ERAL1: variants seen among roughly 807,000 people sequenced by gnomAD.
ERAL1 encodes Era like 12S mitochondrial rRNA chaperone 1.
ERAL1 carries 36 observed loss-of-function variants against 53.6 expected under a neutral mutation model. The ratio of observed to expected loss-of-function variants is 0.67; its 90% CI spans 0.51 to 0.89. The LOEUF (loss-of-function observed/expected upper bound fraction) is 0.89. Among genes scored for constraint, ERAL1 ranks in the 40% least tolerant of loss-of-function variants. The pLI, the probability that ERAL1 is intolerant of heterozygous loss-of-function variation, is 0.00. For synonymous variants in ERAL1, 215 were observed against 211.8 expected (o/e 1.02, Z -0.13); for missense variants, 512 against 537.5 (o/e 0.95, Z 0.47).
At chr17:28,860,316 A>G in intron 9 of ERAL1, 115 bp from the exon 10 acceptor site, 1 of 1,261,612 alleles carries the variant, frequency 7.9e-7, no homozygotes, top group Non-Finnish European at 1.1e-6. Context: ...ACTGTTACCC[A>G]GGCTGGACTC....
intron 9 of ERAL1, among the ~76,000 whole-genome samples, chr17:28,860,002 T>G (rs2320587): frequency 0.73 from 110,253 of 151,074 alleles, 40,701 homozygotes; most frequent in Non-Finnish European, 0.8. Flanking sequence ...TTGAGCCAGG[T>G]TCTTGCTCTG....
rs1279070806 is a variant in ERAL1 at position 28,855,058 on chromosome 17, G to T, written c.24G>T (p.Gly8=). The T allele has an allele frequency of 6.2e-7, 1 of 1,608,204 alleles. No homozygotes were observed. The highest frequency in any genetic ancestry group is 1.3e-5 in the African/African-American group (1 of 74,782). MAAPSWR[G]ARLVQSVLRV... is the part of the protein sequence containing the mutation. ...TAATGGCTGCCCCCAGCTGGCGCGG[G>T]GCTAGGCTTGTTCAATCGGTGTTAA... The change falls in exon 1 of 10, where the codon GGG becomes GGT. Residue 8 remains glycine, a synonymous_variant. Transcript: ENST00000254928.
chr17:28,855,052 G>T lies in ERAL1; in HGVS notation c.18G>T (p.Trp6Cys). The change falls in exon 1 of 10, where the codon TGG becomes TGT. Residue 6 changes from tryptophan to cysteine, a missense_variant. Trp to Cys is a radical substitution (Grantham distance 215, BLOSUM62 -2). Coordinates refer to ENST00000254928, the MANE Select transcript of ERAL1 (RefSeq NM_005702.4). ...CGGCTGTAATGGCTGCCCCCAGCTG[G>T]CGCGGGGCTAGGCTTGTTCAATCGG... is the stretch of plus-strand genomic sequence containing the variant. MAAPS[W>C]RGARLVQSVL... The T allele has an allele frequency of 6.3e-7, 1 of 1,596,098 alleles. No individual in the cohort carries two copies. Among genetic ancestry groups the T allele is most frequent in the Non-Finnish European group, 8.6e-7 (1 of 1,168,458 alleles).
chr17:28,855,176 G>T lies in ERAL1; in HGVS notation c.142G>T (p.Ala48Ser), dbSNP rs2039223463. ...GFQRRCVSCV[A>S]GSAFSGPRLA... ...CCAACGGAGGTGCGTGTCCTGCGTC[G>T]CGGGGTCCGCTTTCTCTGGTCCCCG... The change falls in exon 1 of 10, where the codon GCG (alanine) becomes TCG (serine). Residue 48 changes from alanine to serine, a missense_variant. Physicochemically the swap from Ala to Ser is moderately conservative, Grantham distance 99 (BLOSUM62 1). Coordinates refer to ENST00000254928, the MANE Select transcript of ERAL1 (RefSeq NM_005702.4). 4 of 1,614,096 alleles carry T rather than the reference G, an allele frequency of 2.5e-6. No individual in the cohort carries two copies. The South Asian group carries it at 4.4e-5, about 18-fold the overall frequency.
chr17:28,855,955 T>C (rs1023991880), intron 1 of ERAL1, among the ~76,000 whole-genome samples: 1 of 152,216 alleles, frequency 6.6e-6, no homozygotes, highest in African/African-American at 2.4e-5. Flanking sequence ...TTACATGCAG[T>C]AATTATTAAG....
rs540949990 is a variant in ERAL1, at chr17:28,858,834, T to A, written c.960+10T>A. On this transcript the variant is annotated intron_variant, in intron 7 of 9. Transcript: ENST00000254928. ...CGTGAAAACACTAAAGGTCAGTTAGTCTTGGCCATAGCCTGGCCCTTGGTT... is the reference window on the plus strand; with the variant it reads ...CGTGAAAACACTAAAGGTCAGTTAGACTTGGCCATAGCCTGGCCCTTGGTT... The A allele has an allele frequency of 1.9e-6, 3 of 1,614,116 alleles. No individual in the cohort carries two copies. Among genetic ancestry groups the A allele is most frequent in the African/African-American group, 2.7e-5 (2 of 75,060 alleles).
intron 9 of ERAL1, 53 bp from the exon 10 acceptor site, chr17:28,860,378 A>C: frequency 6.2e-7 from 1 of 1,602,250 alleles, no homozygotes; most frequent in Non-Finnish European, 8.5e-7. Flanking sequence ...AGTAGCTGGG[A>C]CTACAGGCAT....
intron 3 of ERAL1, 133 bp downstream of exon 3, chr17:28,856,715 T>C: frequency 2.1e-5 from 4 of 194,540 alleles, no homozygotes; most frequent in Non-Finnish European, 4.0e-5. Context: ...TTTCTTTTTC[T>C]TTTTTTTTTT....
Position 28,858,193 on chromosome 17 carries a change from A to C in ERAL1, c.584A>C (p.Glu195Ala). Residue 195 changes from glutamate (E) to alanine (A), a missense_variant, in exon 5 of 10, where the codon GAA becomes GCA. Transcript: ENST00000254928. The part of the protein sequence containing the change: ...SLLEDPWKSM[E>A]SADLVVVLVD... ...TTGGAAGATCCATGGAAGAGCATGGAATCTGCTGATCTTGGTTAGGTTCAG... is the reference window on the plus strand; with the variant it reads ...TTGGAAGATCCATGGAAGAGCATGGCATCTGCTGATCTTGGTTAGGTTCAG... 1 of 1,614,024 alleles carries C rather than the reference A, an allele frequency of 6.2e-7. No individual in the cohort carries two copies. The highest frequency in any genetic ancestry group is 8.5e-7 in the Non-Finnish European group (1 of 1,180,038).
Position 28,857,970 on chromosome 17 carries a change from C to A in ERAL1, c.521C>A (p.Pro174His). ...ILLDTPGIIS[P>H]GKQKRHHLEL... ...CTTGACACACCTGGCATTATCAGTC[C>A]TGGTAAACAGAAGAGGTAATGGTGG... The change falls in exon 4 of 10, where the codon CCT becomes CAT. Residue 174 changes from proline to histidine, a missense_variant. Coordinates refer to ENST00000254928, the MANE Select transcript of ERAL1 (RefSeq NM_005702.4). 2 of 1,614,088 alleles carry A rather than the reference C, an allele frequency of 1.2e-6. No individual in the cohort carries two copies. Among genetic ancestry groups the A allele is most frequent in the Non-Finnish European group, 1.7e-6 (2 of 1,180,024 alleles).
chr17:28,855,489 C>T (rs1019914306), intron 1 of ERAL1, among the ~76,000 whole-genome samples, 172 bp downstream of exon 1: 13 of 152,268 alleles, frequency 8.5e-5, no homozygotes, highest in Admixed American at 1.3e-4. Context: ...GAGAAGGAAA[C>T]GATCTGGTCA....
Position 28,856,342 on chromosome 17 carries a change from C to G in ERAL1, c.362C>G (p.Ala121Gly). ...GTCCTACGAGTGGTCCTCCTGGGAG[C>G]CCCGAATGCAGGGAAGTCAACACTC... ...SRVLRVVLLGAPNAGKSTLSN... is the reference protein window; with the variant it reads ...SRVLRVVLLGGPNAGKSTLSN... Residue 121 changes from alanine (A) to glycine (G), a missense_variant, in exon 2 of 10, where the codon GCC becomes GGC. Ala to Gly is a moderately conservative substitution (Grantham distance 60). Transcript: ENST00000254928. The G allele has an allele frequency of 6.2e-7, 1 of 1,614,140 alleles. No homozygotes were observed. Among genetic ancestry groups the G allele is most frequent in the Non-Finnish European group, 8.5e-7 (1 of 1,180,014 alleles).
intron 6 of ERAL1, 29 bp from the exon 7 acceptor site, chr17:28,858,547 C>T: frequency 3.1e-6 from 5 of 1,614,122 alleles, no homozygotes; most frequent in Non-Finnish European, 4.2e-6. Flanking sequence ...TCTCTGACCA[C>T]ACACCCTTTG....
At chr17:28,856,767 A>T in intron 3 of ERAL1, 185 bp downstream of exon 3, 1 of 550,906 alleles carries the variant, frequency 1.8e-6, no homozygotes, top group East Asian at 3.4e-5. Flanking sequence ...GCTGGAGTGC[A>T]GTGACGCGAT....
In ERAL1 at chr17:28,855,378, G is replaced by T; in HGVS notation, c.283+61G>T. On this transcript the variant is annotated intron_variant, in intron 1 of 9. Coordinates refer to ENST00000254928, the MANE Select transcript of ERAL1 (RefSeq NM_005702.4). ...TGTTTTTAGTATTGAAAGGTTTCTG[G>T]GGATACTGTCTTTGATTCTATTTTA... 2.7e-6 allele frequency: 4 copies of T among 1,494,976 alleles called. No individual in the cohort carries two copies. In the South Asian group the frequency reaches 5.4e-5, roughly 20 times the overall value. 92.6% of individuals were successfully genotyped at this position (1,494,976 alleles called of 1,614,324 possible).
rs368966727 is a variant in ERAL1, at chr17:28,858,589, A to G, written c.725A>G (p.Lys242Arg). ...VLVMNKVDCLKQKSVLLELTA... is the reference protein window; with the variant it reads ...VLVMNKVDCLRQKSVLLELTA... Reference sequence around the variant, plus strand: ...CCCCATGTCCAGGTAGATTGTTTGAAGCAGAAGTCAGTTCTCCTGGAGCTC... The same window carrying G: ...CCCCATGTCCAGGTAGATTGTTTGAGGCAGAAGTCAGTTCTCCTGGAGCTC... Residue 242 changes from lysine (K) to arginine (R), a missense_variant, in exon 7 of 10, where the codon AAG (lysine) becomes AGG (arginine). Transcript: ENST00000254928. 2.5e-5 allele frequency: 40 copies of G among 1,614,042 alleles called. 1 individual carries two copies. The highest frequency in any genetic ancestry group is 3.3e-5 in the Non-Finnish European group (39 of 1,180,030).
Position 28,860,648 on chromosome 17 carries a change from TGA to T in ERAL1, c.*100_*101del, listed in dbSNP as rs772162923. 1 of 1,438,896 alleles carries T rather than the reference TGA, an allele frequency of 6.9e-7. No individual in the cohort carries two copies. Among genetic ancestry groups the T allele is most frequent in the Non-Finnish European group, 9.2e-7 (1 of 1,090,198 alleles). 89.1% of individuals were successfully genotyped at this position (1,438,896 alleles called of 1,614,324 possible). ...TGGCTGGGGACCCTCCAGGCACTGG[TGA>T]GAGACATGAACACTGACTGGCCACT... On this transcript the variant is annotated 3_prime_UTR_variant, in exon 10 of 10. Transcript: ENST00000254928.
rs1387814470 is a variant in ERAL1 at position 28,860,598 on chromosome 17, G to A, written c.*45G>A. ...CCAGGGCATTCCAGCTCAAGCTGCT[G>A]GCAGGAACTGACCAGTTCTGTCCTT... On this transcript the variant is annotated 3_prime_UTR_variant, in exon 10 of 10. Transcript: ENST00000254928. 6.4e-7 allele frequency: 1 copy of A among 1,550,558 alleles called. No individual in the cohort carries two copies. The highest frequency in any genetic ancestry group is 8.7e-7 in the Non-Finnish European group (1 of 1,153,440).
chr17:28,855,456 G>A (rs2039229286), intron 1 of ERAL1, 139 bp downstream of exon 1: 3 of 1,007,202 alleles, frequency 3.0e-6, no homozygotes, highest in Non-Finnish European at 4.1e-6. Context: ...AATCTCTCAG[G>A]AGAGAAATAA....
Sources: allele counts gnomAD v4.1 joint callset (sites outside exome capture counted in the v4.1 genomes callset), GRCh38; gene constraint gnomAD v4.1.1; transcripts MANE v1.5; gene names NCBI Gene and HGNC (gene_info 2026-07-23, HGNC 2026-07-21).